The following FHIT variants were observed in gnomAD, a reference collection of about 807,000 sequenced individuals.
FHIT encodes the protein bis(5'-adenosyl)-triphosphatase.
Under a neutral mutation model 17.9 loss-of-function variants are expected in FHIT, and 19 were observed. The observed-to-expected ratio is 1.06, with a 90% CI of 0.74 to 1.56. FHIT has a LOEUF of 1.56. Ranked by LOEUF, FHIT falls within the 40% of genes most tolerant of loss-of-function variation. FHIT has a pLI of 0.00. For missense variants in FHIT, 248 were observed against 189.2 expected (o/e 1.31, Z -1.82); for synonymous variants, 81 against 69.7 (o/e 1.16, Z -0.81).
chr3:59,782,050 C>T (rs1156782759), intron 8 of FHIT, among the ~76,000 whole-genome samples: 1 of 152,022 alleles, frequency 6.6e-6, no homozygotes, highest in Non-Finnish European at 1.5e-5. Flanking sequence ...TGGACAGAGA[C>T]AGAGACTTCC....
intron 4 of FHIT, among the ~76,000 whole-genome samples, chr3:60,785,425 T>C (rs185083617): frequency 2.6e-5 from 4 of 152,264 alleles, no homozygotes; most frequent in East Asian, 3.9e-4. Context: ...AAAGAGTATA[T>C]TAAACTCCCA....
intron 5 of FHIT, among the ~76,000 whole-genome samples, chr3:60,208,751 T>C (rs963335049): frequency 6.6e-6 from 1 of 152,170 alleles, no homozygotes; most frequent in Admixed American, 6.5e-5. Flanking sequence ...AAGAAAATAA[T>C]CACCAGGACA....
At chr3:59,924,896 C>A (rs1230367529) in intron 7 of FHIT, among the ~76,000 whole-genome samples, 2 of 152,210 alleles carry the variant, frequency 1.3e-5, no homozygotes, top group African/African-American at 4.8e-5. Flanking sequence ...TTGAGAACCA[C>A]TGGCTTACAA....
chr3:60,106,148 C>A (rs1168612083), intron 5 of FHIT, among the ~76,000 whole-genome samples: 1 of 152,184 alleles, frequency 6.6e-6, no homozygotes, highest in Non-Finnish European at 1.5e-5. Context: ...ATCTCTGTTA[C>A]CAGATCAACT....
rs147077612 is a variant in FHIT at position 59,815,945 on chromosome 3, C to T, written c.349-63624G>A. Among the ~76,000 whole-genome samples the T allele has an allele frequency of 1.8e-3, 273 of 152,186 alleles. 2 individuals are homozygous for T. The highest frequency in any genetic ancestry group is 6.1e-3 in the African/African-American group (255 of 41,520). On this transcript the variant is annotated intron_variant, in intron 8 of 9. Coordinates refer to ENST00000492590, the MANE Select transcript of FHIT (RefSeq NM_002012.4). The stretch of plus-strand genomic sequence containing the variant: ...GCAGAAATAATAAGGAAAGTGAATT[C>T]CAAGAAAAAGTATGGAATTCTCTTC...
chr3:60,302,059 T>C (rs1202199573), intron 5 of FHIT, among the ~76,000 whole-genome samples: 2 of 152,308 alleles, frequency 1.3e-5, no homozygotes, highest in East Asian at 1.9e-4. Flanking sequence ...TTGCCTCTAC[T>C]TTAATTGCTT....
chr3:60,181,928 C>T (rs781265116), intron 5 of FHIT, among the ~76,000 whole-genome samples: 1 of 152,146 alleles, frequency 6.6e-6, no homozygotes, highest in Non-Finnish European at 1.5e-5. Flanking sequence ...TCACCTTATG[C>T]ATGATGCTCT....
At chr3:60,783,674 C>A (rs888007411) in intron 4 of FHIT, among the ~76,000 whole-genome samples, 3 of 130,410 alleles carry the variant, frequency 2.3e-5, no homozygotes, top group African/African-American at 9.3e-5. Flanking sequence ...TTTAATGATT[C>A]ATCTGTGTAA....
intron 3 of FHIT, among the ~76,000 whole-genome samples, chr3:60,985,064 T>C (rs147433476): frequency 6.6e-5 from 10 of 152,254 alleles, no homozygotes; most frequent in Non-Finnish European, 1.3e-4. Flanking sequence ...TATTACTCTC[T>C]GCTCAGAAAC....
intron 5 of FHIT, among the ~76,000 whole-genome samples, chr3:60,363,551 A>G (rs1226663692): frequency 6.6e-6 from 1 of 152,174 alleles, no homozygotes; most frequent in Non-Finnish European, 1.5e-5. Context: ...GTAAACCTGG[A>G]GATGTGGAGT....
intron 8 of FHIT, among the ~76,000 whole-genome samples, chr3:59,834,978 T>C (rs1197320105): frequency 1.3e-5 from 2 of 152,190 alleles, no homozygotes; most frequent in East Asian, 1.9e-4. Flanking sequence ...AATTTTCTTG[T>C]TGTTGTTTTT....
rs192115047 is a variant in FHIT, at chr3:60,025,627, T to C, written c.104-11475A>G. Among the ~76,000 whole-genome samples, 46 of 151,856 alleles carry C rather than the reference T, an allele frequency of 3.0e-4. No individual in the cohort carries two copies. In the South Asian group the frequency reaches 9.1e-3, roughly 30 times the overall value. On this transcript the variant is annotated intron_variant, in intron 5 of 9. Transcript: ENST00000492590. ...AGCAGTGAACAATTTAAGACATGTC[T>C]CCTCCAACAAAGGCAGCTGGACACA...
chr3:61,108,007 T>C (rs896679209), intron 2 of FHIT, among the ~76,000 whole-genome samples: 22 of 152,218 alleles, frequency 1.4e-4, no homozygotes, highest in Non-Finnish European at 2.6e-4. Context: ...TAGGCTGAAC[T>C]TAAAATATGT....
At chr3:59,850,836 C>G (rs1298464015) in intron 8 of FHIT, among the ~76,000 whole-genome samples, 2 of 152,166 alleles carry the variant, frequency 1.3e-5, no homozygotes, top group Non-Finnish European at 2.9e-5. Flanking sequence ...AAAAAGAATA[C>G]TACTGTGCAA....
At chr3:60,753,361 G>A (rs2042507681) in intron 4 of FHIT, among the ~76,000 whole-genome samples, 1 of 152,172 alleles carries the variant, frequency 6.6e-6, no homozygotes, top group Non-Finnish European at 1.5e-5. Context: ...CCCTCTGGCG[G>A]GTAACAGAAA....
At chr3:59,772,165 T>G (rs554985792) in intron 8 of FHIT, among the ~76,000 whole-genome samples, 31 of 152,350 alleles carry the variant, frequency 2.0e-4, no homozygotes, top group Admixed American at 1.8e-3. Flanking sequence ...CTGCATTCAC[T>G]AATCTACATT....
chr3:60,381,559 T>C (rs17062892), intron 5 of FHIT, among the ~76,000 whole-genome samples: 32,362 of 152,012 alleles, frequency 0.21, 4,249 homozygotes, highest in East Asian at 0.48. Flanking sequence ...AGCTGTTCTA[T>C]TGCTCAGATA....
At chr3:60,949,727 T>G (rs1183277328) in intron 3 of FHIT, among the ~76,000 whole-genome samples, 1 of 152,182 alleles carries the variant, frequency 6.6e-6, no homozygotes, top group African/African-American at 2.4e-5. Context: ...TACCTAAATA[T>G]CTGCTTATTT....
chr3:60,317,093 G>C (rs1299192449), intron 5 of FHIT, among the ~76,000 whole-genome samples: 1 of 152,060 alleles, frequency 6.6e-6, no homozygotes, highest in African/African-American at 2.4e-5. Flanking sequence ...GCCCAGAAGG[G>C]TGTCATTTTA....
Sources: gnomAD v4.1 joint callset for allele counts (sites outside exome capture counted in the v4.1 genomes callset) on GRCh38, gnomAD v4.1.1 for gene constraint, MANE v1.5 for transcripts, NCBI Gene and HGNC (gene_info 2026-07-23, HGNC 2026-07-21) for gene names.